The following KRT86 variants were observed in gnomAD, a reference collection of about 807,000 sequenced individuals.
KRT86 encodes keratin, type II cuticular Hb6.
Under a neutral mutation model 41.2 loss-of-function variants are expected in KRT86, and 30 were observed. That is an observed-to-expected ratio of 0.73 (90% confidence interval 0.54 to 0.99). KRT86 has a LOEUF of 0.99. Ranked by LOEUF, KRT86 falls within the 50% of genes least tolerant of loss-of-function variation. The probability of loss-of-function intolerance (pLI) is 0.00; values close to 1 mark genes in which losing one functional copy is unlikely to be tolerated. For missense variants in KRT86, 561 were observed against 571.4 expected (o/e 0.98, Z 0.19); for synonymous variants, 238 against 238.1 (o/e 1.00, Z 0.00).
At chr12:52,300,390 C>T (rs1938344536) in intron 2 of KRT86, among the ~76,000 whole-genome samples, 1 of 152,126 alleles carries the variant, frequency 6.6e-6, no homozygotes, top group East Asian at 1.9e-4. Context: ...TAAACACTGC[C>T]CCTGAGCCCA....
intron 2 of KRT86, chr12:52,291,032 T>G: frequency 2.1e-6 from 1 of 469,650 alleles, no homozygotes; most frequent in Non-Finnish European, 3.5e-6. Flanking sequence ...GACTCCATCC[T>G]TAGTGCCCGG....
intron 2 of KRT86, among the ~76,000 whole-genome samples, chr12:52,293,175 G>A (rs887022243): frequency 3.3e-5 from 5 of 152,134 alleles, no homozygotes; most frequent in Non-Finnish European, 7.4e-5. Context: ...AGAGAAACAT[G>A]GATCTTAGTT....
intron 2 of KRT86, among the ~76,000 whole-genome samples, chr12:52,288,900 C>G (rs1041894871): frequency 6.6e-6 from 1 of 151,014 alleles, no homozygotes; most frequent in African/African-American, 2.4e-5. Flanking sequence ...CACTGTCTCT[C>G]AGCAGAGACA....
intron 2 of KRT86, chr12:52,286,628 A>G: frequency 8.4e-7 from 1 of 1,187,376 alleles, no homozygotes; most frequent in Non-Finnish European, 1.2e-6. Context: ...AGGTCCATCT[A>G]GTCCAAGAGC....
intron 2 of KRT86, among the ~76,000 whole-genome samples, chr12:52,299,854 G>T (rs368892322): frequency 2.9e-4 from 44 of 152,222 alleles, no homozygotes; most frequent in African/African-American, 9.9e-4. Context: ...TTCCTTGTCA[G>T]TTGAATAGTT....
chr12:52,291,222 A>T, intron 2 of KRT86: 1 of 1,476,472 alleles, frequency 6.8e-7, no homozygotes, highest in Non-Finnish European at 9.1e-7. Context: ...TCGTTGACCG[A>T]CACGGTGGTG....
At chr12:52,278,779 C>T (rs1326286945) in intron 2 of KRT86, among the ~76,000 whole-genome samples, 5 of 151,974 alleles carry the variant, frequency 3.3e-5, no homozygotes, top group African/African-American at 1.2e-4. Flanking sequence ...CGTGCCTCCT[C>T]TTGAGAAGGC....
chr12:52,277,319 G>A (rs868490597), intron 2 of KRT86, among the ~76,000 whole-genome samples: 20 of 151,960 alleles, frequency 1.3e-4, no homozygotes, highest in Middle Eastern at 3.4e-3. Flanking sequence ...AGGTGGGCAG[G>A]TTCTTTTCAT....
intron 2 of KRT86, among the ~76,000 whole-genome samples, chr12:52,297,575 C>A (rs751086406): frequency 1.3e-5 from 2 of 152,136 alleles, no homozygotes; most frequent in Non-Finnish European, 2.9e-5. Context: ...ATGTTAAAAC[C>A]ACCTAATTTG....
At chr12:52,288,593 G>T in intron 2 of KRT86, 1 of 1,082,306 alleles carries the variant, frequency 9.2e-7, no homozygotes, top group South Asian at 1.3e-5. Context: ...CTCCCCTTCT[G>T]CCCTTCCTGG....
At chr12:52,286,952 A>G in intron 2 of KRT86, 1 of 1,535,404 alleles carries the variant, frequency 6.5e-7, no homozygotes, top group Admixed American at 1.8e-5. Flanking sequence ...CTTGCCTCAG[A>G]CAAACTCACA....
chr12:52,281,825 A>T (rs773280417), intron 2 of KRT86, among the ~76,000 whole-genome samples: 1 of 151,922 alleles, frequency 6.6e-6, no homozygotes, highest in East Asian at 1.9e-4. Flanking sequence ...TGCAGCCTCA[A>T]CCTCCTGGGC....
intron 2 of KRT86, among the ~76,000 whole-genome samples, chr12:52,277,190 G>A (rs1350847248): frequency 6.6e-6 from 1 of 152,018 alleles, no homozygotes; most frequent in Non-Finnish European, 1.5e-5. Context: ...ACATGCCAAA[G>A]AGCATTGGAT....
At chr12:52,285,990 C>A in intron 2 of KRT86, 1 of 532,240 alleles carries the variant, frequency 1.9e-6, no homozygotes, top group South Asian at 2.1e-5. Context: ...TTGCCGTGGG[C>A]AAGGTTCTGG....
At chr12:52,279,184 T>A (rs1005130531) in intron 2 of KRT86, 1 of 152,256 alleles carries the variant, frequency 6.6e-6, no homozygotes. Context: ...CTCTCCCGGC[T>A]GTGTCCGTGG....
intron 2 of KRT86, 186 bp from the exon 3 acceptor site, chr12:52,301,727 G>C: frequency 9.2e-7 from 1 of 1,081,624 alleles, no homozygotes; most frequent in East Asian, 2.6e-5. Flanking sequence ...CATTAAGTGG[G>C]GAGCGACAGC....
intron 2 of KRT86, among the ~76,000 whole-genome samples, chr12:52,293,359 C>G (rs1938179461): frequency 6.6e-6 from 1 of 152,210 alleles, no homozygotes. Flanking sequence ...AGTCTCCCAG[C>G]TGGTAAGTGA....
At chr12:52,278,193 C>A (rs1444884508) in intron 2 of KRT86, among the ~76,000 whole-genome samples, 2 of 152,188 alleles carry the variant, frequency 1.3e-5, no homozygotes, top group Non-Finnish European at 2.9e-5. Context: ...GGGAACTGAT[C>A]ACCCATGCCA....
intron 2 of KRT86, among the ~76,000 whole-genome samples, chr12:52,282,742 T>C (rs2121209700): frequency 6.6e-6 from 1 of 152,130 alleles, no homozygotes; most frequent in African/African-American, 2.4e-5. Flanking sequence ...TTAGCCCCAC[T>C]CCCCATCGGT....
Sources: allele counts gnomAD v4.1 joint callset (sites outside exome capture counted in the v4.1 genomes callset), GRCh38; gene constraint gnomAD v4.1.1; transcripts MANE v1.5; gene names NCBI Gene and HGNC (gene_info 2026-07-23, HGNC 2026-07-21).